Variants in EXOC4 observed in about 807,000 individuals in gnomAD.
EXOC4 encodes the protein exocyst complex component 4.
Under a neutral mutation model 107.2 loss-of-function variants are expected in EXOC4, and 71 were observed. The ratio of observed to expected loss-of-function variants is 0.66; its 90% CI spans 0.55 to 0.81. The LOEUF is 0.81. EXOC4 is among the 30% of genes least tolerant of loss of function. The pLI is 0.00. For synonymous variants in EXOC4, 456 were observed against 441.2 expected, an observed-to-expected ratio of 1.03 and a Z score of -0.42; for missense variants, 1,108 against 1,189.6, an observed-to-expected ratio of 0.93 and a Z score of 1.01.
At chr7:133,318,467 C>T (rs1316823044) in intron 5 of EXOC4, among the ~76,000 whole-genome samples, 1 of 152,124 alleles carries the variant, frequency 6.6e-6, no homozygotes, top group Admixed American at 6.5e-5. Flanking sequence ...TGGGATGCCT[C>T]GCAGGTGCCT....
At position 133,856,464 on chromosome 7, in the gene EXOC4, T is replaced by C. The variant is rs11984033; in HGVS notation, c.1734+38920T>C. Among the ~76,000 whole-genome samples, 623 of 152,394 alleles carry C rather than the reference T, an allele frequency of 4.1e-3. 3 individuals carry two copies. The highest frequency in any genetic ancestry group is 6.7e-3 in the Non-Finnish European group (459 of 68,040). ...TTTTGTAATTGCCTGTTTACTTCTC[T>C]CACTCACAAGTCTGAATTCCTTGAG... On this transcript the variant is annotated intron_variant, in intron 11 of 17. Transcript: ENST00000253861.
intron 5 of EXOC4, among the ~76,000 whole-genome samples, chr7:133,327,613 G>A (rs1795279602): frequency 6.6e-6 from 1 of 152,074 alleles, no homozygotes; most frequent in South Asian, 2.1e-4. Flanking sequence ...CTTTAAATGT[G>A]TCCCAGAGAT....
intron 10 of EXOC4, among the ~76,000 whole-genome samples, chr7:133,672,316 G>A (rs556478281): frequency 2.6e-5 from 4 of 151,470 alleles, no homozygotes; most frequent in East Asian, 1.9e-4. Context: ...GCGTGAACCC[G>A]GGAGGTGAAG....
chr7:133,787,335 TTGTGTGTGTGTGTGTG>T lies in EXOC4; in HGVS notation c.1515-29951_1515-29936del, dbSNP rs757017206. Among the ~76,000 whole-genome samples, 4 of 113,826 alleles carry T rather than the reference TTGTGTGTGTGTGTGTG, an allele frequency of 3.5e-5. 1 individual carries two copies. The highest frequency in any genetic ancestry group is 1.3e-4 in the African/African-American group (4 of 30,870). The allele number at this position is 113,826 out of a possible 152,430, so 74.7% of individuals were successfully genotyped here. On this transcript the variant is annotated intron_variant, in intron 10 of 17. Transcript: ENST00000253861. ...GCGTGCACCACCACAATAGGCTAAT[TTGTGTGTGTGTGTGTG>T]TGTGTGTGTGTGTGTGTGTGTGTGT...
At chr7:133,739,121 T>A (rs1795507308) in intron 10 of EXOC4, among the ~76,000 whole-genome samples, 1 of 152,128 alleles carries the variant, frequency 6.6e-6, no homozygotes, top group Non-Finnish European at 1.5e-5. Flanking sequence ...GGTATAGGAC[T>A]ATACTTTTTC....
At chr7:133,665,975 T>C (rs1793803653) in intron 10 of EXOC4, among the ~76,000 whole-genome samples, 1 of 152,172 alleles carries the variant, frequency 6.6e-6, no homozygotes, top group Non-Finnish European at 1.5e-5. Flanking sequence ...AGGAATCCAT[T>C]TACTTTTTAA....
At chr7:133,329,223 T>C (rs896178719) in intron 5 of EXOC4, among the ~76,000 whole-genome samples, 1 of 152,214 alleles carries the variant, frequency 6.6e-6, no homozygotes, top group African/African-American at 2.4e-5. Context: ...CTATTGAAGC[T>C]TGTGTATGCT....
At chr7:133,716,476 A>G (rs1053044435) in intron 10 of EXOC4, among the ~76,000 whole-genome samples, 11 of 152,242 alleles carry the variant, frequency 7.2e-5, no homozygotes, top group East Asian at 1.9e-4. Flanking sequence ...AGAATAGTGT[A>G]TACTTATTAC....
chr7:133,827,558 C>T (rs1211819000), intron 11 of EXOC4, among the ~76,000 whole-genome samples: 1 of 152,154 alleles, frequency 6.6e-6, no homozygotes, highest in African/African-American at 2.4e-5. Context: ...TTTCATTTGT[C>T]TTCAGAAAAT....
At chr7:133,685,349 T>G (rs1408005687) in intron 10 of EXOC4, among the ~76,000 whole-genome samples, 1 of 152,160 alleles carries the variant, frequency 6.6e-6, no homozygotes, top group East Asian at 1.9e-4. Flanking sequence ...CCCCCTTTGC[T>G]CGGCACTTAT....
rs530907433 is a variant in EXOC4 at position 133,973,898 on chromosome 7, A to G, written c.2207-23594A>G. On this transcript the variant is annotated intron_variant, in intron 14 of 17. Coordinates refer to ENST00000253861, the MANE Select transcript of EXOC4 (RefSeq NM_021807.4). ...TGAGGGGCCTGCATCTGGCAAGTGCATTCCTATTGCATCACCCCCTGGTGG... is the reference window on the plus strand; with the variant it reads ...TGAGGGGCCTGCATCTGGCAAGTGCGTTCCTATTGCATCACCCCCTGGTGG... Among the ~76,000 whole-genome samples the G allele has an allele frequency of 2.6e-5, 4 of 152,330 alleles. No individual in the cohort carries two copies. In the South Asian group the frequency reaches 6.2e-4, roughly 24 times the overall value.
intron 14 of EXOC4, among the ~76,000 whole-genome samples, chr7:133,963,524 A>G (rs1800993744): frequency 6.6e-6 from 1 of 152,210 alleles, no homozygotes. Context: ...AGTGAAAGGA[A>G]AGTGACAAAT....
At chr7:133,614,349 T>C (rs1282360952) in intron 9 of EXOC4, among the ~76,000 whole-genome samples, 1 of 148,226 alleles carries the variant, frequency 6.7e-6, no homozygotes, top group East Asian at 1.9e-4. Context: ...AAGTCTTGAA[T>C]AACAAGAACC....
chr7:133,876,539 T>G (rs1798853356), intron 11 of EXOC4, among the ~76,000 whole-genome samples: 1 of 152,036 alleles, frequency 6.6e-6, no homozygotes, highest in African/African-American at 2.4e-5. Flanking sequence ...CTTTTTTTGA[T>G]CTATGTTCTA....
At chr7:133,549,498 T>G (rs1584991950) in intron 9 of EXOC4, among the ~76,000 whole-genome samples, 1 of 152,272 alleles carries the variant, frequency 6.6e-6, no homozygotes. Flanking sequence ...TGCAGTCTTG[T>G]ATGAGTGTGG....
chr7:133,900,654 G>A (rs1585234711), intron 12 of EXOC4, among the ~76,000 whole-genome samples: 1 of 151,922 alleles, frequency 6.6e-6, no homozygotes, highest in African/African-American at 2.4e-5. Flanking sequence ...AGAGGGGAGA[G>A]AGACATTAAG....
intron 10 of EXOC4, among the ~76,000 whole-genome samples, chr7:133,680,097 C>A (rs1025642135): frequency 6.6e-6 from 1 of 152,132 alleles, no homozygotes; most frequent in Non-Finnish European, 1.5e-5. Flanking sequence ...TGTTTTACAT[C>A]TGGAGAACAA....
intron 14 of EXOC4, among the ~76,000 whole-genome samples, chr7:133,947,422 G>T (rs958244489): frequency 1.3e-5 from 2 of 152,160 alleles, no homozygotes; most frequent in Non-Finnish European, 2.9e-5. Flanking sequence ...AAATGTTTCT[G>T]AGGTCATGGA....
intron 5 of EXOC4, among the ~76,000 whole-genome samples, chr7:133,353,486 G>A (rs927569667): frequency 6.6e-6 from 1 of 151,926 alleles, no homozygotes; most frequent in Non-Finnish European, 1.5e-5. Flanking sequence ...TTCTGGCCTC[G>A]GAAATTTCTG....
Sources: allele counts gnomAD v4.1 joint callset (sites outside exome capture counted in the v4.1 genomes callset), GRCh38; gene constraint gnomAD v4.1.1; transcripts MANE v1.5; gene names NCBI Gene and HGNC (gene_info 2026-07-23, HGNC 2026-07-21).